The following DAB1 variants were observed in gnomAD, a reference collection of about 807,000 sequenced individuals.
The protein encoded by DAB1 is DAB adaptor protein 1, also known as disabled homolog 1.
In DAB1, 15 loss-of-function variants were observed where a neutral mutation model predicts 64.6. That is an observed-to-expected ratio of 0.23 (90% CI 0.16 to 0.36). DAB1 has a LOEUF of 0.36. Ranked by LOEUF, DAB1 falls within the 10% of genes least tolerant of loss-of-function variation. The pLI is 1.00. For synonymous variants in DAB1, 235 were observed against 251.9 expected (o/e 0.93, Z 0.64); for missense variants, 596 against 706.7 (o/e 0.84, Z 1.78).
At chr1:58,420,575 T>C (rs1557754890) in intron 3 of DAB1, among the ~76,000 whole-genome samples, 1 of 152,348 alleles carries the variant, frequency 6.6e-6, no homozygotes, top group South Asian at 2.1e-4. Context: ...ACACATCTGC[T>C]TGTCTCTACA....
At position 57,184,811 on chromosome 1, in the gene DAB1, T is replaced by C. The variant is rs188014352; in HGVS notation, c.68-39382A>G. On this transcript the variant is annotated intron_variant, in intron 2 of 14. Coordinates refer to ENST00000371236, the MANE Select transcript of DAB1 (RefSeq NM_001365792.1). The stretch of plus-strand genomic sequence containing the variant: ...CCCATAAAAGTCCCATAGACGCTTT[T>C]TCATGATGCATTTCAAACACTGCCT... Among the ~76,000 whole-genome samples, 2 of 152,218 alleles carry C rather than the reference T, an allele frequency of 1.3e-5. 1 individual carries two copies. The highest frequency in any genetic ancestry group is 1.3e-4 in the Admixed American group (2 of 15,294).
At chr1:57,933,901 CTT>C (rs750638241) in intron 5 of DAB1, among the ~76,000 whole-genome samples, 1 of 146,114 alleles carries the variant, frequency 6.8e-6, no homozygotes, top group Non-Finnish European at 1.5e-5. Flanking sequence ...TGTGGTCAGT[CTT>C]TTTTTTTTTT....
At chr1:57,423,509 A>T (rs1010758515) in intron 1 of DAB1, among the ~76,000 whole-genome samples, 2 of 151,614 alleles carry the variant, frequency 1.3e-5, no homozygotes, top group African/African-American at 4.8e-5. Flanking sequence ...CGAGGGAGGG[A>T]GGGAGTTTCG....
chr1:57,816,386 G>T (rs957599678), intron 6 of DAB1, among the ~76,000 whole-genome samples: 5 of 152,112 alleles, frequency 3.3e-5, no homozygotes, highest in Non-Finnish European at 4.4e-5. Flanking sequence ...GTTAAGTTAC[G>T]AGTGACTGAA....
chr1:57,084,998 G>T (rs961078210), intron 4 of DAB1, among the ~76,000 whole-genome samples: 3 of 152,056 alleles, frequency 2.0e-5, no homozygotes, highest in Admixed American at 6.6e-5. Context: ...GCACCAAATC[G>T]CCCCCTTTTG....
At chr1:57,459,226 C>T (rs138547245) in intron 7 of DAB1, among the ~76,000 whole-genome samples, 106 of 152,230 alleles carry the variant, frequency 7.0e-4, no homozygotes, top group African/African-American at 2.5e-3. Context: ...TTCATAAACA[C>T]TATGCATATT....
chr1:57,298,320 C>A (rs1673367399), intron 1 of DAB1, among the ~76,000 whole-genome samples: 1 of 152,132 alleles, frequency 6.6e-6, no homozygotes, highest in Non-Finnish European at 1.5e-5. Flanking sequence ...GCTATAGAAA[C>A]TTTTGGCAGA....
intron 9 of DAB1, among the ~76,000 whole-genome samples, chr1:57,037,073 C>G (rs946997410): frequency 6.6e-6 from 1 of 152,176 alleles, no homozygotes; most frequent in African/African-American, 2.4e-5. Context: ...AATGCCAGAG[C>G]CACATCATCA....
intron 1 of DAB1, among the ~76,000 whole-genome samples, chr1:57,857,497 T>C (rs1401080599): frequency 2.6e-5 from 4 of 152,208 alleles, no homozygotes; most frequent in Non-Finnish European, 4.4e-5. Context: ...CTGTTGTAGA[T>C]ACTTTACATG....
intron 2 of DAB1, among the ~76,000 whole-genome samples, chr1:57,247,310 C>A (rs1396751856): frequency 6.6e-6 from 1 of 152,102 alleles, no homozygotes; most frequent in Non-Finnish European, 1.5e-5. Flanking sequence ...AAGATTTGAC[C>A]ATTTGAAAGT....
At chr1:57,455,870 T>C (rs575888685) in intron 7 of DAB1, among the ~76,000 whole-genome samples, 85 of 152,306 alleles carry the variant, frequency 5.6e-4, no homozygotes, top group Middle Eastern at 3.4e-3. Context: ...TATCTGTCAT[T>C]TCTAGTCAGG....
chr1:57,463,095 A>T (rs1488383170), intron 7 of DAB1, among the ~76,000 whole-genome samples: 1 of 152,214 alleles, frequency 6.6e-6, no homozygotes, highest in Non-Finnish European at 1.5e-5. Flanking sequence ...TTTTACCTTT[A>T]AAAAGCATCT....
chr1:58,502,387 C>G (rs1003440688), intron 3 of DAB1, among the ~76,000 whole-genome samples: 2 of 152,136 alleles, frequency 1.3e-5, no homozygotes, highest in Non-Finnish European at 2.9e-5. Context: ...TAATCACTTC[C>G]TACGTGAACT....
At chr1:57,282,819 C>A (rs1558086159) in intron 2 of DAB1, among the ~76,000 whole-genome samples, 1 of 152,160 alleles carries the variant, frequency 6.6e-6, no homozygotes, top group Non-Finnish European at 1.5e-5. Context: ...CTAAAGCTTA[C>A]AAATCACAGA....
At chr1:57,887,010 C>G (rs1644233219), upstream of DAB1, among the ~76,000 whole-genome samples, 3 of 152,240 alleles carry the variant, frequency 2.0e-5, no homozygotes, top group Middle Eastern at 3.4e-3. Context: ...ATCACTACTT[C>G]ATTTTCTTTT....
At chr1:57,451,329 T>C (rs1686349682) in intron 7 of DAB1, among the ~76,000 whole-genome samples, 1 of 152,218 alleles carries the variant, frequency 6.6e-6, no homozygotes, top group African/African-American at 2.4e-5. Context: ...TGAACTTAAG[T>C]TTCTAAGGCA....
chr1:57,039,058 T>C (rs897802269), intron 9 of DAB1, among the ~76,000 whole-genome samples: 10 of 152,182 alleles, frequency 6.6e-5, no homozygotes, highest in African/African-American at 2.4e-4. Context: ...TGAGCACTTT[T>C]AAAGTGAGAA....
At chr1:57,189,094 T>G (rs1663880883) in intron 2 of DAB1, among the ~76,000 whole-genome samples, 1 of 152,156 alleles carries the variant, frequency 6.6e-6, no homozygotes, top group African/African-American at 2.4e-5. Flanking sequence ...TTGCTACCTC[T>G]TGTCTCCATG....
At chr1:57,523,883 C>G (rs1175395268) in intron 7 of DAB1, among the ~76,000 whole-genome samples, 1 of 151,946 alleles carries the variant, frequency 6.6e-6, no homozygotes, top group African/African-American at 2.4e-5. Flanking sequence ...CAAGATCATG[C>G]CACTGCACTC....
Sources: allele counts gnomAD v4.1 joint callset (sites outside exome capture counted in the v4.1 genomes callset), GRCh38; gene constraint gnomAD v4.1.1; transcripts MANE v1.5; gene names NCBI Gene and HGNC (gene_info 2026-07-23, HGNC 2026-07-21).